ERI2: variants seen among roughly 807,000 people sequenced by gnomAD.
ERI2 encodes ERI1 exoribonuclease 2.
A neutral mutation model predicts 46.8 loss-of-function variants in ERI2; 35 were observed. The observed-to-expected ratio is 0.75, with a 90% CI of 0.57 to 0.99. The LOEUF (loss-of-function observed/expected upper bound fraction) is 0.99, where lower values mean the gene tolerates loss of function less well. Ranked by LOEUF, ERI2 falls within the 50% of genes least tolerant of loss-of-function variation. The probability of loss-of-function intolerance (pLI) is 0.00; values close to 1 mark genes in which losing one functional copy is unlikely to be tolerated. For synonymous variants in ERI2, 224 were observed against 271.0 expected, an observed-to-expected ratio of 0.83 and a Z score of 1.70; for missense variants, 695 against 796.2, an observed-to-expected ratio of 0.87 and a Z score of 1.53.
In ERI2 at chr16:20,783,597, T is replaced by C. The variant is rs2080400926; in HGVS notation, c.895-2863A>G. ...TGTTATAGCTCATATCACAGGTAAA[T>C]ATATTTAAACTGATGTTATTTAATT... On this transcript the variant is annotated intron_variant, in intron 10 of 10. Transcript: ENST00000300005. 3.9e-5 allele frequency: 6 copies of C among 152,320 alleles called. No homozygotes were observed. The South Asian group carries it at 1.2e-3, about 32-fold the overall frequency. 9.4% of individuals were successfully genotyped at this position (152,320 alleles called of 1,614,324 possible). A position where few individuals can be genotyped will look rare whatever the true frequency, so the allele number is the denominator to read the frequency against.
intron 1 of ERI2, chr16:20,805,834 C>T (rs1043862038): frequency 1.4e-5 from 6 of 430,902 alleles, no homozygotes; most frequent in African/African-American, 2.1e-5. Context: ...GGTCCCGTTC[C>T]AGCCAAAGGA....
At chr16:20,801,584 C>T (rs1032435329) in intron 4 of ERI2, among the ~76,000 whole-genome samples, 8 of 151,924 alleles carry the variant, frequency 5.3e-5, no homozygotes, top group African/African-American at 1.7e-4. Context: ...TATTTAGAAC[C>T]CACCAAGGTA....
intron 9 of ERI2, chr16:20,789,685 T>TA: frequency 1.4e-5 from 2 of 147,742 alleles, no homozygotes; most frequent in South Asian, 4.1e-4. Flanking sequence ...TCTATTTTTC[T>TA]TTTTTTTTTT....
At chr16:20,802,956 T>A in intron 3 of ERI2, 33 bp from the exon 4 acceptor site, 3 of 1,524,842 alleles carry the variant, frequency 2.0e-6, no homozygotes, top group Non-Finnish European at 2.7e-6. Flanking sequence ...GACAGTTGAA[T>A]AAATAATTTT....
In ERI2 at chr16:20,797,022, A is replaced by G. The variant is rs748846319; in HGVS notation, c.*702T>C. ...TATAAAACAAACATAGTATCTGTCAATCTCTAGAAACCACAAGATGATGGA... is the reference window on the plus strand; with the variant it reads ...TATAAAACAAACATAGTATCTGTCAGTCTCTAGAAACCACAAGATGATGGA... On this transcript the variant is annotated 3_prime_UTR_variant, in exon 9 of 9. Transcript: ENST00000357967. The G allele has an allele frequency of 1.1e-5, 18 of 1,592,012 alleles. No individual in the cohort carries two copies. Among genetic ancestry groups the G allele is most frequent in the African/African-American group, 5.4e-5 (4 of 73,684 alleles).
chr16:20,789,512 T>A, exon 10 of ERI2: 4 of 1,613,864 alleles, frequency 2.5e-6, no homozygotes, highest in Non-Finnish European at 3.4e-6. Flanking sequence ...CCTTTTCCTG[T>A]TTACTCATAT....
chr16:20,790,859 T>C lies in ERI2; in HGVS notation c.806A>G (p.Gln269Arg). ...GAAATTGAAGAAATACCCAAATTCT[T>C]GCTGAAGAAAAGCATGCTGGTCCCC... Residue 269 changes from glutamine to arginine, a missense_variant, in exon 9 of 11, where the codon CAA (glutamine) becomes CGA (arginine). Coordinates refer to the ERI2 transcript ENST00000300005. The surrounding 1 kb of genome is among the most constrained non-coding windows in gnomAD (Gnocchi z 4.0). 1 of 1,614,072 alleles carries C rather than the reference T, an allele frequency of 6.2e-7. No individual in the cohort carries two copies. The highest frequency in any genetic ancestry group is 8.5e-7 in the Non-Finnish European group (1 of 1,179,964).
exon 11 of ERI2, chr16:20,780,587 A>C: frequency 6.3e-7 from 1 of 1,596,846 alleles, no homozygotes; most frequent in Non-Finnish European, 8.6e-7. Context: ...CTGTAATTCA[A>C]GCTAAGCCAC....
At position 20,799,997 on chromosome 16, in the gene ERI2, C is replaced by A; in HGVS notation, c.603G>T (p.Leu201Phe). The A allele has an allele frequency of 6.2e-7, 1 of 1,606,584 alleles. No homozygotes were observed. ...CTGAGAATTCTATTCCTACTTCCTG[C>A]AAGGCACCACTTAGTCCTTTTGGTT... Reference protein sequence around the residue: ...RRKPKGLSGALQEVGIEFSGR... With the variant: ...RRKPKGLSGAFQEVGIEFSGR... Residue 201 changes from leucine (L) to phenylalanine (F), a missense_variant, in exon 7 of 9, where the codon TTG becomes TTT. Coordinates refer to ENST00000357967, the MANE Select transcript of ERI2 (RefSeq NM_001142725.2).
chr16:20,782,626 C>G (rs1011740069), intron 10 of ERI2, among the ~76,000 whole-genome samples: 2 of 152,170 alleles, frequency 1.3e-5, no homozygotes, highest in Admixed American at 6.5e-5. Flanking sequence ...AGCATCATAT[C>G]CCACAGGTTA....
downstream of ERI2, chr16:20,792,112 T>C (rs1369627736): frequency 6.2e-7 from 1 of 1,614,160 alleles, no homozygotes; most frequent in South Asian, 1.1e-5. Context: ...GAGCAGATGA[T>C]GTCATATTAT....
intron 7 of ERI2, 127 bp downstream of exon 7, chr16:20,799,809 CTTAGAAACAATGTGAATTGTT>C: frequency 3.6e-6 from 2 of 558,542 alleles, no homozygotes; most frequent in Non-Finnish European, 6.4e-6. Context: ...ATTTGAAAGT[CTTAGAAACAATGTGAATTGTT>C]TAGATTAGGA....
chr16:20,783,831 G>A (rs897745529), intron 10 of ERI2, among the ~76,000 whole-genome samples: 4 of 145,320 alleles, frequency 2.8e-5, no homozygotes, highest in South Asian at 2.2e-4. Flanking sequence ...TTTTTGAGAC[G>A]GAGTCTTGCT....
intron 10 of ERI2, chr16:20,783,119 C>G (rs1283911816): frequency 1.3e-5 from 2 of 152,186 alleles, no homozygotes; most frequent in Non-Finnish European, 2.9e-5. Context: ...TGACCAACCC[C>G]TATACGGGAG....
chr16:20,806,042 A>G, intron 1 of ERI2: 1 of 1,195,530 alleles, frequency 8.4e-7, no homozygotes, highest in Middle Eastern at 3.3e-4. Context: ...GAACAGGTTG[A>G]ACACCTTGAC....
In ERI2 at chr16:20,800,666, T is replaced by C. The variant is rs142277518; in HGVS notation, c.461-264A>G. The C allele has an allele frequency of 8.2e-4, 224 of 272,414 alleles. 1 individual carries two copies. The highest frequency in any genetic ancestry group is 4.6e-3 in the African/African-American group (209 of 45,604). 16.9% of individuals were successfully genotyped at this position (272,414 alleles called of 1,614,324 possible). A position where few individuals can be genotyped will look rare whatever the true frequency, so the allele number is the denominator to read the frequency against. On this transcript the variant is annotated intron_variant, in intron 5 of 8. Transcript: ENST00000357967. ...GAGTAACATGTTAAATTACAAGGAC[T>C]ATATTTTCTATATTCTAGGAAAATA...
Position 20,790,825 on chromosome 16 carries a change from A to G in ERI2, c.815+25T>C, listed in dbSNP as rs1407172758. The G allele has an allele frequency of 1.2e-6, 2 of 1,613,838 alleles. No homozygotes were observed. The highest frequency in any genetic ancestry group is 4.5e-5 in the East Asian group (2 of 44,896). Reference sequence around the variant, plus strand: ...GATTGGTTGTCCTGAATAGTAATCCAAAAGACAAGAAATTGAAGAAATACC... The same window carrying G: ...GATTGGTTGTCCTGAATAGTAATCCGAAAGACAAGAAATTGAAGAAATACC... On this transcript the variant is annotated intron_variant, in intron 9 of 10. Coordinates refer to the ERI2 transcript ENST00000300005. This position sits in a 1 kb window ranked among gnomAD's most constrained non-coding sequence, Gnocchi z 4.0.
intron 1 of ERI2, among the ~76,000 whole-genome samples, chr16:20,804,145 T>G (rs1567373001): frequency 6.6e-6 from 1 of 151,666 alleles, no homozygotes; most frequent in Non-Finnish European, 1.5e-5. Context: ...TGAGCCACTG[T>G]GTCCAGCCAA....
Position 20,800,287 on chromosome 16 carries a change from A to AT in ERI2, c.561+14dup, listed in dbSNP as rs752784496. 2 of 1,560,528 alleles carry AT rather than the reference A, an allele frequency of 1.3e-6. No homozygotes were observed. Among genetic ancestry groups the AT allele is most frequent in the South Asian group, 1.1e-5 (1 of 87,174 alleles). ...CATAGAAAAAAGTAAACATGCCCCCATTTTTTACCATTACCTTGTAAGTTG... is the reference window on the plus strand; with the variant it reads ...CATAGAAAAAAGTAAACATGCCCCCATTTTTTTACCATTACCTTGTAAGTTG... On this transcript the variant is annotated intron_variant, in intron 6 of 8. Transcript: ENST00000357967.
Sources: allele counts gnomAD v4.1 joint callset (sites outside exome capture counted in the v4.1 genomes callset), GRCh38; gene constraint gnomAD v4.1.1; non-coding constraint Gnocchi (gnomAD v3.1); transcripts MANE v1.5; gene names NCBI Gene and HGNC (gene_info 2026-07-23, HGNC 2026-07-21).